EDA: variants seen among roughly 807,000 people sequenced by gnomAD.
The protein encoded by EDA is ectodysplasin A, also known as ectodysplasin-A.
EDA carries 2 observed loss-of-function variants against 23.6 expected under a neutral mutation model. The observed-to-expected ratio is 0.08, with a 90% CI of 0.03 to 0.27. The LOEUF is 0.27. Ranked by LOEUF, EDA falls within the 10% of genes least tolerant of loss-of-function variation. The pLI is 1.00. For synonymous variants in EDA, 131 were observed against 132.0 expected, an observed-to-expected ratio of 0.99 and a Z score of 0.05; for missense variants, 229 against 324.2, an observed-to-expected ratio of 0.71 and a Z score of 2.26.
chrX:69,946,137 C>G (rs1378952374), intron 1 of EDA, among the ~76,000 whole-genome samples: 1 of 111,347 alleles, frequency 9.0e-6, no homozygotes, highest in African/African-American at 3.3e-5. Flanking sequence ...ATTTGTGTCC[C>G]AGGCCCTTTA....
chrX:69,710,446 T>C (rs1004463231), intron 1 of EDA, among the ~76,000 whole-genome samples: 4 of 111,575 alleles, frequency 3.6e-5, no homozygotes, highest in African/African-American at 1.3e-4. Flanking sequence ...TCCAGCTTTG[T>C]TCTTTTGGCG....
chrX:69,777,891 T>C (rs751099585), intron 1 of EDA, among the ~76,000 whole-genome samples: 10 of 112,220 alleles, frequency 8.9e-5, no homozygotes, highest in African/African-American at 2.6e-4. Context: ...ATATGTAGTA[T>C]ATGAAAACAA....
chrX:69,796,518 G>C (rs1273879153), intron 1 of EDA, among the ~76,000 whole-genome samples: 1 of 112,065 alleles, frequency 8.9e-6, no homozygotes, highest in Non-Finnish European at 1.9e-5. Context: ...CACACGCCCA[G>C]AATCAAAGCC....
At chrX:69,636,206 G>A (rs1294086941) in intron 1 of EDA, among the ~76,000 whole-genome samples, 4 of 110,261 alleles carry the variant, frequency 3.6e-5, no homozygotes, top group African/African-American at 1.3e-4. Context: ...AAGATAGTGA[G>A]TTCTCATGAG....
At chrX:69,720,060 T>G (rs1029166733) in intron 1 of EDA, among the ~76,000 whole-genome samples, 1 of 111,878 alleles carries the variant, frequency 8.9e-6, no homozygotes, top group African/African-American at 3.3e-5. Context: ...CACATTTTCT[T>G]TATCTACTCA....
intron 1 of EDA, among the ~76,000 whole-genome samples, chrX:69,717,009 C>T (rs2012363057): frequency 9.0e-6 from 1 of 111,242 alleles, no homozygotes; most frequent in African/African-American, 3.3e-5. Context: ...ATGTCATCAG[C>T]AAACAGGGAT....
chrX:69,761,081 G>A (rs781384748), intron 1 of EDA, among the ~76,000 whole-genome samples: 1 of 110,761 alleles, frequency 9.0e-6, no homozygotes, highest in Non-Finnish European at 1.9e-5. Context: ...GGCTCTAAGA[G>A]TCTGGGCAAC....
intron 2 of EDA, among the ~76,000 whole-genome samples, chrX:69,996,914 G>A (rs1443189383): frequency 3.6e-5 from 4 of 112,309 alleles, no homozygotes; most frequent in Non-Finnish European, 3.8e-5. Context: ...CATGTGAGAC[G>A]TGCCTTTCAC....
chrX:70,002,521 A>AT (rs1474963845), intron 2 of EDA, among the ~76,000 whole-genome samples: 5 of 111,929 alleles, frequency 4.5e-5, no homozygotes, highest in Non-Finnish European at 9.4e-5. Context: ...GAGGGCTTGA[A>AT]TGCAGGGATA....
intron 1 of EDA, among the ~76,000 whole-genome samples, chrX:69,801,875 G>A (rs1175527888): frequency 2.7e-5 from 3 of 111,590 alleles, no homozygotes; most frequent in Non-Finnish European, 3.8e-5. Flanking sequence ...AATGTAGAAC[G>A]AGAGACATTT....
At chrX:69,637,683 G>A (rs748369952) in intron 1 of EDA, among the ~76,000 whole-genome samples, 14 of 110,109 alleles carry the variant, frequency 1.3e-4, no homozygotes, top group Middle Eastern at 4.7e-3. Flanking sequence ...CCATTTCTTC[G>A]TCTATAATAA....
intron 1 of EDA, among the ~76,000 whole-genome samples, chrX:69,858,451 T>C (rs2017306331): frequency 8.9e-6 from 1 of 111,943 alleles, no homozygotes; most frequent in Non-Finnish European, 1.9e-5. Flanking sequence ...AGGTGTTGAA[T>C]TTTATTGAAA....
rs4007733 is a variant in EDA, at chrX:69,910,374, A to AGT, written c.397-46602_397-46601dup. The stretch of plus-strand genomic sequence containing the variant: ...AGGAGAGAGAGAGAGAGAGAGAGAG[A>AGT]GTGTGTGTGTGTGTGTGTGTGTGTG... On this transcript the variant is annotated intron_variant, in intron 1 of 7. Transcript: ENST00000374552. 9.8e-3 allele frequency among the ~76,000 whole-genome samples: 411 copies of AGT among 41,735 alleles called. 7 individuals carry two copies. Among genetic ancestry groups the AGT allele is most frequent in the South Asian group, 0.039 (26 of 670 alleles). The allele number at this position is 41,735 out of a possible 115,157, so 36.2% of individuals were successfully genotyped here. A position where few individuals can be genotyped will look rare whatever the true frequency, so the allele number is the denominator to read the frequency against.
At chrX:69,825,862 T>C (rs138123518) in intron 1 of EDA, among the ~76,000 whole-genome samples, 20 of 110,726 alleles carry the variant, frequency 1.8e-4, no homozygotes, top group Admixed American at 1.5e-3. Context: ...CTCTACACAC[T>C]GCTATGAATG....
In EDA at chrX:70,028,359, C is replaced by A. The variant is rs967830430; in HGVS notation, c.706+323C>A. Among the ~76,000 whole-genome samples, 8 of 111,971 alleles carry A rather than the reference C, an allele frequency of 7.1e-5. No individual in the cohort carries two copies. In the East Asian group the frequency reaches 2.3e-3, roughly 32 times the overall value. ...CTCATATGAGCCAGAGACAGAGGCC[C>A]TGGTGGTTCACAGGAGTTCCAGTGG... On this transcript the variant is annotated intron_variant, in intron 4 of 7. Transcript: ENST00000374552.
chrX:69,681,068 C>G (rs1934327410), intron 1 of EDA, among the ~76,000 whole-genome samples: 1 of 109,905 alleles, frequency 9.1e-6, no homozygotes, highest in Non-Finnish European at 1.9e-5. Context: ...TTTTATTTCT[C>G]CTTCACTTAT....
intron 1 of EDA, among the ~76,000 whole-genome samples, chrX:69,761,907 G>T (rs774630846): frequency 3.6e-5 from 4 of 111,319 alleles, no homozygotes; most frequent in Non-Finnish European, 7.5e-5. Context: ...GTGACTATGC[G>T]TTGAATTAGA....
At chrX:69,917,897 A>G (rs1469254293) in intron 1 of EDA, among the ~76,000 whole-genome samples, 1 of 111,119 alleles carries the variant, frequency 9.0e-6, no homozygotes, top group Non-Finnish European at 1.9e-5. Flanking sequence ...ATCTTATTCT[A>G]TAATGTCTGG....
At chrX:69,874,811 C>G in intron 1 of EDA, among the ~76,000 whole-genome samples, 1 of 112,056 alleles carries the variant, frequency 8.9e-6, no homozygotes, top group South Asian at 3.7e-4. Context: ...AATTAATGTA[C>G]ACAAATCAGT....
Sources: allele counts gnomAD v4.1 joint callset (sites outside exome capture counted in the v4.1 genomes callset), GRCh38; gene constraint gnomAD v4.1.1; transcripts MANE v1.5; gene names NCBI Gene and HGNC (gene_info 2026-07-23, HGNC 2026-07-21).